Variants in MAP3K1 observed in about 807,000 individuals in gnomAD.
MAP3K1 encodes MAP/ERK kinase kinase 1.
Under a neutral mutation model 144.2 loss-of-function variants are expected in MAP3K1, and 36 were observed. The observed-to-expected ratio is 0.25, with a 90% CI of 0.19 to 0.33. MAP3K1 has a LOEUF of 0.33. Ranked by LOEUF, MAP3K1 falls within the 10% of genes least tolerant of loss-of-function variation. MAP3K1 has a pLI of 1.00. For synonymous variants in MAP3K1, 718 were observed against 688.7 expected (o/e 1.04, Z -0.67); for missense variants, 1,650 against 1,881.9 (o/e 0.88, Z 2.28).
chr5:56,844,688 T>C (rs1336967373), intron 1 of MAP3K1, among the ~76,000 whole-genome samples: 1 of 152,156 alleles, frequency 6.6e-6, no homozygotes, highest in Non-Finnish European at 1.5e-5. Flanking sequence ...TACAGCAGAG[T>C]TGACATTGTG....
At chr5:56,843,140 T>G (rs1428877554) in intron 1 of MAP3K1, among the ~76,000 whole-genome samples, 1 of 152,190 alleles carries the variant, frequency 6.6e-6, no homozygotes, top group Non-Finnish European at 1.5e-5. Context: ...TGGATTTGAT[T>G]CGTTTGGGTG....
At position 56,882,614 on chromosome 5, in the gene MAP3K1, A is replaced by G. The variant is rs1209112266; in HGVS notation, c.3414A>G (p.Ala1138=). ...CCAGTATTGAGGACCTTCTTGAAGC[A>G]TCTATGCCTTCAAGTGATACAACAG... The part of the protein sequence containing the change: ...LNSSIEDLLE[A]SMPSSDTTVT... The change falls in exon 14 of 20, where the codon GCA becomes GCG. Residue 1138 remains alanine (A), a synonymous_variant. Coordinates refer to ENST00000399503, the MANE Select transcript of MAP3K1 (RefSeq NM_005921.2). 8 of 1,614,040 alleles carry G rather than the reference A, an allele frequency of 5.0e-6. No individual in the cohort carries two copies. The Admixed American group carries it at 5.0e-5, about 10-fold the overall frequency.
Position 56,815,786 on chromosome 5 carries a change from C to G in MAP3K1, c.213C>G (p.Asp71Glu), listed in dbSNP as rs1208815020. Residue 71 changes from aspartate to glutamate, a missense_variant, in exon 1 of 20, where the codon GAC becomes GAG. This residue lies in a region of MAP3K1 where 360 missense variants were observed against 274.7 expected (regional missense o/e 1.31). Transcript: ENST00000399503. Reference sequence around the variant, plus strand: ...GCAAAGTGCGGAGTGTGGAGCTGGACCAGCTGCCTGAGCAGCCGCTCTTCC... The same window carrying G: ...GCAAAGTGCGGAGTGTGGAGCTGGAGCAGCTGCCTGAGCAGCCGCTCTTCC... ...QLRKVRSVELDQLPEQPLFLA... is the reference protein window; with the variant it reads ...QLRKVRSVELEQLPEQPLFLA... The G allele has an allele frequency of 7.0e-7, 1 of 1,420,942 alleles. No homozygotes were observed. The highest frequency in any genetic ancestry group is 9.2e-7 in the Non-Finnish European group (1 of 1,084,366). 88.0% of individuals were successfully genotyped at this position (1,420,942 alleles called of 1,614,324 possible). A position where few individuals can be genotyped will look rare whatever the true frequency, so the allele number is the denominator to read the frequency against.
chr5:56,843,025 G>A (rs1224891000), intron 1 of MAP3K1, among the ~76,000 whole-genome samples: 1 of 152,156 alleles, frequency 6.6e-6, no homozygotes, highest in Non-Finnish European at 1.5e-5. Context: ...CAGGTGGTAT[G>A]ATCTCTATTG....
At chr5:56,822,094 C>T (rs536000312) in intron 1 of MAP3K1, among the ~76,000 whole-genome samples, 225 of 152,256 alleles carry the variant, frequency 1.5e-3, no homozygotes, top group African/African-American at 5.2e-3. Flanking sequence ...AATCTTTGCT[C>T]ACTGCAGCCT....
At chr5:56,853,457 A>G (rs892220663) in intron 1 of MAP3K1, among the ~76,000 whole-genome samples, 1 of 152,230 alleles carries the variant, frequency 6.6e-6, no homozygotes, top group Non-Finnish European at 1.5e-5. Flanking sequence ...TGCCAGAGTT[A>G]ATAAGTGATC....
chr5:56,854,600 G>A (rs1747280872), intron 1 of MAP3K1, among the ~76,000 whole-genome samples: 1 of 152,148 alleles, frequency 6.6e-6, no homozygotes, highest in Non-Finnish European at 1.5e-5. Flanking sequence ...TCTAAAAGAT[G>A]ACAGTATTTT....
At chr5:56,858,390 C>T (rs1047826755) in intron 2 of MAP3K1, among the ~76,000 whole-genome samples, 1 of 152,146 alleles carries the variant, frequency 6.6e-6, no homozygotes. Flanking sequence ...CTAGCAAGTA[C>T]CAAAGTACCT....
chr5:56,836,007 A>G (rs951127509), intron 1 of MAP3K1, among the ~76,000 whole-genome samples: 8 of 152,206 alleles, frequency 5.3e-5, no homozygotes, highest in Non-Finnish European at 1.0e-4. Flanking sequence ...GGCTGTATGC[A>G]GATACTAGGA....
intron 1 of MAP3K1, among the ~76,000 whole-genome samples, chr5:56,817,601 C>A (rs547927139): frequency 6.6e-6 from 1 of 152,298 alleles, no homozygotes; most frequent in African/African-American, 2.4e-5. Context: ...TTTATTCTTA[C>A]AAGAGTTATG....
At chr5:56,875,979 A>G (rs1052314769) in intron 10 of MAP3K1, among the ~76,000 whole-genome samples, 8 of 152,288 alleles carry the variant, frequency 5.3e-5, no homozygotes, top group African/African-American at 1.9e-4. Flanking sequence ...AGCCTTTTCA[A>G]AGAAAAGGGT....
intron 1 of MAP3K1, among the ~76,000 whole-genome samples, chr5:56,817,899 A>G (rs1460065877): frequency 6.6e-6 from 1 of 152,210 alleles, no homozygotes; most frequent in Non-Finnish European, 1.5e-5. Flanking sequence ...AAGAGGACTA[A>G]GGTGGAGGCA....
At chr5:56,845,540 G>GA (rs1387703771) in intron 1 of MAP3K1, among the ~76,000 whole-genome samples, 1 of 152,042 alleles carries the variant, frequency 6.6e-6, no homozygotes, top group East Asian at 1.9e-4. Context: ...GTCTCTCTAG[G>GA]TTTATGCATC....
chr5:56,816,744 A>T (rs1745987227), intron 1 of MAP3K1, among the ~76,000 whole-genome samples: 1 of 152,170 alleles, frequency 6.6e-6, no homozygotes, highest in Non-Finnish European at 1.5e-5. Flanking sequence ...ACACTCGCGG[A>T]GGCTTGCAGT....
At chr5:56,833,189 A>G (rs1419351347) in intron 1 of MAP3K1, among the ~76,000 whole-genome samples, 1 of 152,176 alleles carries the variant, frequency 6.6e-6, no homozygotes, top group Non-Finnish European at 1.5e-5. Context: ...TTGTTTTTAT[A>G]TGAAGTTCTT....
At chr5:56,889,772 C>T (rs554211833) in intron 19 of MAP3K1, among the ~76,000 whole-genome samples, 3 of 152,042 alleles carry the variant, frequency 2.0e-5, no homozygotes, top group East Asian at 1.9e-4. Context: ...GCATGTACTT[C>T]GTGGGATTAC....
chr5:56,864,705 C>T (rs373451119), intron 3 of MAP3K1, 29 bp from the exon 4 acceptor site: 360 of 1,608,580 alleles, frequency 2.2e-4, no homozygotes, highest in Non-Finnish European at 2.9e-4. Context: ...AAATGAGAAA[C>T]GTACCTAATA....
intron 1 of MAP3K1, among the ~76,000 whole-genome samples, chr5:56,855,100 T>G (rs1261649055): frequency 6.6e-6 from 1 of 152,102 alleles, no homozygotes; most frequent in Non-Finnish European, 1.5e-5. Flanking sequence ...CCTCTCTTTC[T>G]CTGCCTTCCT....
At chr5:56,850,806 G>C (rs915945869) in intron 1 of MAP3K1, among the ~76,000 whole-genome samples, 8 of 152,200 alleles carry the variant, frequency 5.3e-5, no homozygotes, top group Non-Finnish European at 7.3e-5. Context: ...TGTCTGGCAT[G>C]TAATATAATT....
Sources: allele counts gnomAD v4.1 joint callset (sites outside exome capture counted in the v4.1 genomes callset), GRCh38; gene constraint gnomAD v4.1.1; regional missense constraint gnomAD v4.1.1; transcripts MANE v1.5; gene names NCBI Gene and HGNC (gene_info 2026-07-23, HGNC 2026-07-21).